OTUD7A: variants seen among roughly 807,000 people sequenced by gnomAD.
The protein encoded by OTUD7A is OTU domain-containing protein 7A.
OTUD7A carries 12 observed loss-of-function variants against 65.7 expected under a neutral mutation model. The ratio of observed to expected loss-of-function variants is 0.18; its 90% CI spans 0.12 to 0.30. OTUD7A has a LOEUF of 0.30. Ranked by LOEUF, OTUD7A falls within the 10% of genes least tolerant of loss-of-function variation. The pLI is 1.00. For missense variants in OTUD7A, 1,148 were observed against 1,304.8 expected (o/e 0.88, Z 1.85); for synonymous variants, 641 against 586.3 (o/e 1.09, Z -1.35).
intron 1 of OTUD7A, among the ~76,000 whole-genome samples, chr15:31,864,749 CCT>C (rs1180225060): frequency 8.3e-6 from 1 of 120,574 alleles, no homozygotes; most frequent in Non-Finnish European, 1.7e-5. Context: ...TTTACCCACA[CCT>C]CCTCTTCCTA....
In OTUD7A at chr15:31,704,031, T is replaced by C. The variant is rs2141330659; in HGVS notation, c.-99-46954A>G. On this transcript the variant is annotated intron_variant, in intron 1 of 12. Transcript: ENST00000307050. ...ACAAAATTGTAGAAATGGAGACAGA[T>C]TAATGGTTGCCAGAGGTTAAGAATG... Among the ~76,000 whole-genome samples the C allele has an allele frequency of 2.3e-5, 3 of 133,218 alleles. No individual in the cohort carries two copies. The South Asian group carries it at 7.6e-4, about 34-fold the overall frequency. The allele number at this position is 133,218 out of a possible 152,430, so 87.4% of individuals were successfully genotyped here. A position where few individuals can be genotyped will look rare whatever the true frequency, so the allele number is the denominator to read the frequency against.
intron 5 of OTUD7A, among the ~76,000 whole-genome samples, chr15:31,551,986 G>A (rs1888339669): frequency 6.6e-6 from 1 of 152,180 alleles, no homozygotes; most frequent in Non-Finnish European, 1.5e-5. Context: ...CAATGTTGAG[G>A]GGGGCCTGGT....
At chr15:31,609,094 G>A (rs1323162086) in intron 3 of OTUD7A, among the ~76,000 whole-genome samples, 2 of 152,212 alleles carry the variant, frequency 1.3e-5, no homozygotes, top group East Asian at 1.9e-4. Context: ...GGCCCTGGGA[G>A]CTCACTGGGT....
chr15:31,764,468 T>C (rs1231639265), intron 1 of OTUD7A, among the ~76,000 whole-genome samples: 1 of 152,124 alleles, frequency 6.6e-6, no homozygotes. Context: ...GGAATAGATA[T>C]GAAACAATCT....
At chr15:31,860,547 G>A (rs1387424276) in intron 1 of OTUD7A, among the ~76,000 whole-genome samples, 7 of 148,978 alleles carry the variant, frequency 4.7e-5, no homozygotes, top group South Asian at 2.2e-4. Context: ...AGGGAGGAAC[G>A]ATGTCCACAC....
intron 1 of OTUD7A, among the ~76,000 whole-genome samples, chr15:31,768,984 T>C (rs981548036): frequency 4.0e-5 from 6 of 151,846 alleles, no homozygotes; most frequent in African/African-American, 9.7e-5. Flanking sequence ...AGTAAACAAA[T>C]AACAAAAAAC....
intron 1 of OTUD7A, among the ~76,000 whole-genome samples, chr15:31,683,050 T>G (rs114548794): frequency 6.6e-6 from 1 of 152,162 alleles, no homozygotes; most frequent in African/African-American, 2.4e-5. Flanking sequence ...GGAATCAAGA[T>G]AGTCAACGGC....
intron 1 of OTUD7A, among the ~76,000 whole-genome samples, chr15:31,705,824 C>CA (rs1479244986): frequency 1.0e-4 from 3 of 29,756 alleles, no homozygotes; most frequent in East Asian, 3.3e-3. Context: ...GCCTGCCCAT[C>CA]AGCTGCCTGT....
intron 1 of OTUD7A, among the ~76,000 whole-genome samples, chr15:31,728,101 CATA>C (rs544976693): frequency 1.7e-4 from 26 of 152,322 alleles, no homozygotes; most frequent in African/African-American, 6.0e-4. Context: ...TTATTGCAAA[CATA>C]ATGAGGCAAA....
chr15:31,623,392 T>C (rs956964276), intron 3 of OTUD7A, among the ~76,000 whole-genome samples: 4 of 152,244 alleles, frequency 2.6e-5, no homozygotes, highest in Non-Finnish European at 4.4e-5. Context: ...GCAGGCCTCG[T>C]TGAGCTGCAG....
At chr15:31,829,749 T>A (rs1416324928) in intron 1 of OTUD7A, among the ~76,000 whole-genome samples, 5 of 152,186 alleles carry the variant, frequency 3.3e-5, no homozygotes, top group Non-Finnish European at 5.9e-5. Context: ...TGGCACAGGC[T>A]GTGTGGAATG....
intron 1 of OTUD7A, among the ~76,000 whole-genome samples, chr15:31,723,401 C>T (rs779342575): frequency 6.0e-5 from 7 of 117,330 alleles, no homozygotes; most frequent in Non-Finnish European, 9.4e-5. Flanking sequence ...GCCACCCCCC[C>T]CCCCCCGCCC....
intron 3 of OTUD7A, among the ~76,000 whole-genome samples, chr15:31,617,457 C>T (rs1165162497): frequency 6.6e-6 from 1 of 151,852 alleles, no homozygotes; most frequent in Admixed American, 6.6e-5. Context: ...ACTGCACTCC[C>T]CTGGTGACAG....
chr15:31,819,836 C>T (rs536871362), intron 1 of OTUD7A, among the ~76,000 whole-genome samples: 20 of 151,714 alleles, frequency 1.3e-4, no homozygotes, highest in South Asian at 8.3e-4. Flanking sequence ...TATTTTTATA[C>T]GTAATATCAA....
intron 1 of OTUD7A, among the ~76,000 whole-genome samples, chr15:31,788,831 A>C (rs937352685): frequency 6.6e-6 from 1 of 152,216 alleles, no homozygotes; most frequent in African/African-American, 2.4e-5. Context: ...GTTTAGAAAG[A>C]GCTTACTCAT....
At chr15:31,749,114 A>T (rs1894557787) in intron 1 of OTUD7A, among the ~76,000 whole-genome samples, 3 of 133,190 alleles carry the variant, frequency 2.3e-5, no homozygotes, top group Admixed American at 1.7e-4. Flanking sequence ...CAGGAAGGGG[A>T]ACATCACACC....
chr15:31,483,448 C>T lies in OTUD7A; in HGVS notation c.2648G>A (p.Gly883Asp), dbSNP rs1452614773. 7.2e-7 allele frequency: 1 copy of T among 1,381,680 alleles called. No individual in the cohort carries two copies. Among genetic ancestry groups the T allele is most frequent in the South Asian group, 1.4e-5 (1 of 69,320 alleles). 85.6% of individuals were successfully genotyped at this position (1,381,680 alleles called of 1,614,324 possible). A position where few individuals can be genotyped will look rare whatever the true frequency, so the allele number is the denominator to read the frequency against. The change falls in exon 13 of 13, where the codon GGT becomes GAT. Residue 883 changes from glycine (G) to aspartate (D), a missense_variant. Transcript: ENST00000307050. ...CCCCGGGCCGCCACGGCCGCACTCACCGTTCGAGCGCGCGGTCGGCGCGTC... is the reference window on the plus strand; with the variant it reads ...CCCCGGGCCGCCACGGCCGCACTCATCGTTCGAGCGCGCGGTCGGCGCGTC... Reference protein sequence around the residue: ...DADAPTARSNGECGRGGPGPV... With the variant: ...DADAPTARSNDECGRGGPGPV...
rs1185689226 is a variant in OTUD7A, at chr15:31,477,888, T to C, written c.*5406A>G. On this transcript the variant is annotated 3_prime_UTR_variant, in exon 13 of 13. Coordinates refer to ENST00000307050, the MANE Select transcript of OTUD7A (RefSeq NM_001382637.1). ...CAAGAAGAAGATGCAGAGAGGTGGGTAGGGAGGGAGGGTGGGGTGTGTTGT... is the reference window on the plus strand; with the variant it reads ...CAAGAAGAAGATGCAGAGAGGTGGGCAGGGAGGGAGGGTGGGGTGTGTTGT... 1 of 106,532 alleles carries C rather than the reference T, an allele frequency of 9.4e-6. No individual in the cohort carries two copies. The highest frequency in any genetic ancestry group is 3.8e-5 in the African/African-American group (1 of 26,504). 6.6% of individuals were successfully genotyped at this position (106,532 alleles called of 1,614,324 possible). A position where few individuals can be genotyped will look rare whatever the true frequency, so the allele number is the denominator to read the frequency against.
At position 31,658,869 on chromosome 15, in the gene OTUD7A, T is replaced by TA. The variant is rs149855057; in HGVS notation, c.-99-1793dup. 5.6e-3 allele frequency among the ~76,000 whole-genome samples: 672 copies of TA among 120,674 alleles called. 4 individuals are homozygous for TA. The highest frequency in any genetic ancestry group is 0.014 in the East Asian group (60 of 4,170). The allele number at this position is 120,674 out of a possible 152,430, so 79.2% of individuals were successfully genotyped here. A position where few individuals can be genotyped will look rare whatever the true frequency, so the allele number is the denominator to read the frequency against. On this transcript the variant is annotated intron_variant, in intron 1 of 12. Transcript: ENST00000307050. ...ATGGTGAAACCCCGTCTCTACTAAT[T>TA]AAAAAAAAAAAAAAAAGCCAGGTGT...
Sources: allele counts gnomAD v4.1 joint callset (sites outside exome capture counted in the v4.1 genomes callset), GRCh38; gene constraint gnomAD v4.1.1; transcripts MANE v1.5; gene names NCBI Gene and HGNC (gene_info 2026-07-23, HGNC 2026-07-21).